Variants in BICDL1 observed in about 807,000 individuals in gnomAD.
The protein encoded by BICDL1 is BICD family like cargo adaptor 1.
In BICDL1, 20 loss-of-function variants were observed where a neutral mutation model predicts 76.8. The observed-to-expected ratio is 0.26, with a 90% CI of 0.18 to 0.38. BICDL1 has a LOEUF of 0.38. BICDL1 is among the 10% of genes least tolerant of loss of function. The probability of loss-of-function intolerance (pLI) is 1.00; values close to 1 mark genes in which losing one functional copy is unlikely to be tolerated. For synonymous variants in BICDL1, 383 were observed against 337.1 expected (o/e 1.14, Z -1.49); for missense variants, 700 against 798.6 (o/e 0.88, Z 1.49).
chr12:120,085,294 A>C (rs906682147), intron 8 of BICDL1, among the ~76,000 whole-genome samples: 2 of 152,100 alleles, frequency 1.3e-5, no homozygotes, highest in Non-Finnish European at 2.9e-5. Flanking sequence ...CAAACAAAAA[A>C]AAAAGAAGTA....
intron 7 of BICDL1, among the ~76,000 whole-genome samples, chr12:120,076,295 A>G (rs1192027477): frequency 6.6e-6 from 1 of 152,186 alleles, no homozygotes; most frequent in Non-Finnish European, 1.5e-5. Flanking sequence ...CAGATCTTCT[A>G]AACTGGAAAA....
intron 1 of BICDL1, among the ~76,000 whole-genome samples, chr12:119,997,805 G>A (rs1951680648): frequency 6.6e-6 from 1 of 152,022 alleles, no homozygotes; most frequent in South Asian, 2.1e-4. Context: ...TGACTCCAAA[G>A]GAAGCCTCCT....
At chr12:120,057,033 C>T (rs1952989954) in intron 2 of BICDL1, 1 of 513,148 alleles carries the variant, frequency 1.9e-6, no homozygotes, top group Non-Finnish European at 3.9e-6. Flanking sequence ...ATGGTAACAG[C>T]AATGGATGCC....
intron 7 of BICDL1, among the ~76,000 whole-genome samples, chr12:120,076,652 G>A (rs913929193): frequency 1.1e-4 from 17 of 152,204 alleles, no homozygotes; most frequent in African/African-American, 3.4e-4. Context: ...GTGGAAGGTT[G>A]TACTCATGTC....
intron 2 of BICDL1, among the ~76,000 whole-genome samples, chr12:120,004,031 C>G (rs1447523382): frequency 6.6e-6 from 1 of 152,154 alleles, no homozygotes; most frequent in Non-Finnish European, 1.5e-5. Context: ...AGGAGGCAGC[C>G]AGAGGTTCTC....
chr12:120,056,571 T>C (rs918771005), intron 2 of BICDL1, among the ~76,000 whole-genome samples: 1 of 151,986 alleles, frequency 6.6e-6, no homozygotes, highest in Non-Finnish European at 1.5e-5. Flanking sequence ...ATACAAAAAT[T>C]AGCTGGGCGT....
chr12:120,055,369 G>C (rs116451549), intron 2 of BICDL1, among the ~76,000 whole-genome samples: 169 of 152,272 alleles, frequency 1.1e-3, no homozygotes, highest in African/African-American at 3.7e-3. Flanking sequence ...TTAATCTAAA[G>C]GTTCTAGTTT....
chr12:120,092,144 G>A (rs1420923207), intron 9 of BICDL1: 17 of 985,392 alleles, frequency 1.7e-5, no homozygotes, highest in Non-Finnish European at 2.0e-5. Context: ...CAGAACTTTT[G>A]TCAAATGGAG....
intron 2 of BICDL1, among the ~76,000 whole-genome samples, chr12:120,041,624 C>T (rs1952643916): frequency 6.6e-6 from 1 of 152,012 alleles, no homozygotes. Context: ...GAATGGAGGG[C>T]GGCACAGGTA....
At position 120,072,608 on chromosome 12, in the gene BICDL1, C is replaced by T; in HGVS notation, c.1187C>T (p.Ser396Phe). ...GCTGACTCAGCCGTCTCCACGGACT[C>T]CTCCATGGACGAGTCTTCAGAAACC... ...DSADSAVSTD[S>F]SMDESSETSS... The change falls in exon 6 of 10, where the codon TCC becomes TTC. Residue 396 changes from serine to phenylalanine, a missense_variant. Ser to Phe is a radical substitution (Grantham distance 155). Coordinates refer to ENST00000548673, the MANE Select transcript of BICDL1 (RefSeq NM_001367886.1). The T allele has an allele frequency of 1.2e-6, 2 of 1,614,204 alleles. No homozygotes were observed. Among genetic ancestry groups the T allele is most frequent in the Non-Finnish European group, 1.7e-6 (2 of 1,180,026 alleles).
intron 2 of BICDL1, among the ~76,000 whole-genome samples, chr12:120,001,536 A>G (rs1292215918): frequency 6.6e-6 from 1 of 152,160 alleles, no homozygotes; most frequent in Non-Finnish European, 1.5e-5. Flanking sequence ...ATGAGCCACC[A>G]CGCCTGGCCA....
At chr12:120,092,347 G>A in intron 9 of BICDL1, 1 of 985,488 alleles carries the variant, frequency 1.0e-6, no homozygotes. Context: ...GAAGCTGAAA[G>A]AAATGGGCCT....
At chr12:120,048,068 T>A (rs1176694711) in intron 2 of BICDL1, among the ~76,000 whole-genome samples, 1 of 152,214 alleles carries the variant, frequency 6.6e-6, no homozygotes, top group East Asian at 1.9e-4. Flanking sequence ...TTATGATTAT[T>A]ATATCACTCT....
intron 1 of BICDL1, among the ~76,000 whole-genome samples, chr12:119,997,970 C>A (rs781313752): frequency 6.6e-6 from 1 of 152,042 alleles, no homozygotes; most frequent in African/African-American, 2.4e-5. Flanking sequence ...AAAAATCAGC[C>A]CAGTGTCATG....
intron 4 of BICDL1, among the ~76,000 whole-genome samples, chr12:120,069,637 C>T (rs897773725): frequency 3.9e-5 from 6 of 152,194 alleles, no homozygotes; most frequent in African/African-American, 1.4e-4. Flanking sequence ...TATCCAGATG[C>T]TACTCCCGTT....
intron 8 of BICDL1, among the ~76,000 whole-genome samples, chr12:120,088,956 A>ATG (rs1874695155): frequency 2.0e-5 from 3 of 152,028 alleles, no homozygotes; most frequent in Admixed American, 2.0e-4. Flanking sequence ...GAGCCACCGC[A>ATG]CCCGGCCTAC....
At chr12:120,046,934 A>G (rs955515733) in intron 2 of BICDL1, among the ~76,000 whole-genome samples, 1 of 152,214 alleles carries the variant, frequency 6.6e-6, no homozygotes, top group African/African-American at 2.4e-5. Context: ...GACATTGAAT[A>G]ATAGTCCTCT....
intron 2 of BICDL1, among the ~76,000 whole-genome samples, chr12:120,053,449 A>G (rs191759562): frequency 1.4e-3 from 219 of 152,292 alleles, no homozygotes; most frequent in Non-Finnish European, 2.2e-3. Context: ...TGTTGATTGA[A>G]TTGTTTATCA....
In BICDL1 at chr12:119,989,606, C is replaced by T. The variant is rs1449138795; in HGVS notation, c.-263C>T. Among the ~76,000 whole-genome samples, 1 of 150,100 alleles carries T rather than the reference C, an allele frequency of 6.7e-6. No individual in the cohort carries two copies. Among genetic ancestry groups the T allele is most frequent in the Admixed American group, 6.6e-5 (1 of 15,124 alleles). On this transcript the variant is annotated 5_prime_UTR_variant, in exon 1 of 10. Transcript: ENST00000548673. The stretch of plus-strand genomic sequence containing the variant: ...TTCCCCAGCCTTCCCGTTCCCACCA[C>T]CTACTCCGCCACTACCCCCACCCCC...
Sources: allele counts gnomAD v4.1 joint callset (sites outside exome capture counted in the v4.1 genomes callset), GRCh38; gene constraint gnomAD v4.1.1; transcripts MANE v1.5; gene names NCBI Gene and HGNC (gene_info 2026-07-23, HGNC 2026-07-21).